Variants in UNC13C observed in about 807,000 individuals in gnomAD.
UNC13C encodes the protein protein unc-13 homolog C.
Under a neutral mutation model 245.4 loss-of-function variants are expected in UNC13C, and 174 were observed. The ratio of observed to expected loss-of-function variants is 0.71; its 90% confidence interval spans 0.63 to 0.80. The LOEUF is 0.80. Among genes scored for constraint, UNC13C ranks in the 30% least tolerant of loss-of-function variants. The probability of loss-of-function intolerance (pLI) is 0.00; values close to 1 mark genes in which losing one functional copy is unlikely to be tolerated. For synonymous variants in UNC13C, 992 were observed against 895.1 expected, an observed-to-expected ratio of 1.11 and a Z score of -1.93; for missense variants, 2,829 against 2,602.9, an observed-to-expected ratio of 1.09 and a Z score of -1.89.
intron 2 of UNC13C, among the ~76,000 whole-genome samples, chr15:54,022,648 G>A (rs1895950024): frequency 6.6e-6 from 1 of 152,110 alleles, no homozygotes; most frequent in Non-Finnish European, 1.5e-5. Flanking sequence ...TTGGACATTA[G>A]CCCCTTATCA....
rs555024171 is a variant in UNC13C at position 54,366,782 on chromosome 15, T to G, written c.4714-26266T>G. Among the ~76,000 whole-genome samples, 6 of 152,276 alleles carry G rather than the reference T, an allele frequency of 3.9e-5. No individual in the cohort carries two copies. In the East Asian group the frequency reaches 9.7e-4, roughly 25 times the overall value. On this transcript the variant is annotated intron_variant, in intron 17 of 32. Transcript: ENST00000260323. ...ATGGTGTTTTGTTAATGCAGCGTTT[T>G]TCTTCATTTTTCTGAAAAATGGCTA...
intron 19 of UNC13C, among the ~76,000 whole-genome samples, chr15:54,434,696 A>G (rs542851493): frequency 9.2e-5 from 14 of 152,268 alleles, no homozygotes; most frequent in South Asian, 8.3e-4. Context: ...TGACTAAAAC[A>G]CTGAAAACAA....
the UNC13C span, among the ~76,000 whole-genome samples, chr15:53,847,318 G>A: frequency 7.9e-5 from 12 of 151,692 alleles, no homozygotes; most frequent in Non-Finnish European, 1.8e-4. Flanking sequence ...AAAAGAGAAA[G>A]GTTATAGAGT....
intron 4 of UNC13C, among the ~76,000 whole-genome samples, chr15:54,172,812 C>T (rs1310933073): frequency 3.6e-5 from 5 of 140,626 alleles, no homozygotes; most frequent in Non-Finnish European, 6.1e-5. Flanking sequence ...TATCCCTACC[C>T]CATGGTTGTG....
At chr15:54,342,693 A>G (rs1021563164) in intron 17 of UNC13C, among the ~76,000 whole-genome samples, 4 of 152,322 alleles carry the variant, frequency 2.6e-5, no homozygotes, top group Admixed American at 2.0e-4. Flanking sequence ...CTAGAAAGCA[A>G]TGTTAGATGA....
chr15:54,556,179 A>G (rs2141198731), intron 29 of UNC13C, among the ~76,000 whole-genome samples: 1 of 152,172 alleles, frequency 6.6e-6, no homozygotes, highest in African/African-American at 2.4e-5. Context: ...AGTTTGAAAG[A>G]TGAGTTTGTC....
At chr15:53,889,475 A>T in the UNC13C span, among the ~76,000 whole-genome samples, 146 of 152,304 alleles carry the variant, frequency 9.6e-4, 1 homozygote, top group African/African-American at 3.4e-3. Context: ...GGTTTTCTAA[A>T]TATACAATCA....
At chr15:54,058,079 A>G (rs985044862) in intron 2 of UNC13C, among the ~76,000 whole-genome samples, 1 of 152,056 alleles carries the variant, frequency 6.6e-6, no homozygotes, top group African/African-American at 2.4e-5. Flanking sequence ...AACACATTCA[A>G]AAGCTAGCAG....
intron 4 of UNC13C, among the ~76,000 whole-genome samples, chr15:54,218,075 G>A (rs940739309): frequency 3.3e-5 from 5 of 151,924 alleles, no homozygotes; most frequent in African/African-American, 1.2e-4. Flanking sequence ...TTGTATTATA[G>A]TGGAGACATT....
At chr15:53,952,178 T>C in the UNC13C span, among the ~76,000 whole-genome samples, 145 of 152,148 alleles carry the variant, frequency 9.5e-4, no homozygotes, top group Middle Eastern at 0.01. Context: ...TTCTAAAGAG[T>C]AGGGATTCTG....
chr15:54,543,740 C>T (rs921862532), intron 26 of UNC13C, among the ~76,000 whole-genome samples: 5 of 151,878 alleles, frequency 3.3e-5, no homozygotes, highest in Non-Finnish European at 5.9e-5. Flanking sequence ...CCCAGACAAA[C>T]CCAGGAAGAA....
chr15:54,619,862 G>C (rs1028766279), intron 30 of UNC13C, among the ~76,000 whole-genome samples: 2 of 152,130 alleles, frequency 1.3e-5, no homozygotes, highest in African/African-American at 2.4e-5. Flanking sequence ...TGTAATACTA[G>C]CTATAGCATG....
At chr15:54,587,907 ATT>A (rs1273421887) in intron 30 of UNC13C, among the ~76,000 whole-genome samples, 1 of 152,244 alleles carries the variant, frequency 6.6e-6, no homozygotes, top group South Asian at 2.1e-4. Context: ...ATTGAGTCAT[ATT>A]TTTAAGAAAT....
chr15:54,574,047 C>T (rs1412888493), intron 30 of UNC13C, among the ~76,000 whole-genome samples: 1 of 152,108 alleles, frequency 6.6e-6, no homozygotes, highest in Non-Finnish European at 1.5e-5. Flanking sequence ...CCCAATATAG[C>T]AAGCATGTCC....
chr15:54,501,948 G>T (rs1198467873), intron 22 of UNC13C, among the ~76,000 whole-genome samples: 19 of 152,250 alleles, frequency 1.2e-4, no homozygotes, highest in Admixed American at 1.2e-3. Context: ...GAAGAACTTT[G>T]CTTCCCAGGT....
chr15:54,515,025 C>G (rs1407145200), intron 24 of UNC13C, among the ~76,000 whole-genome samples: 1 of 152,168 alleles, frequency 6.6e-6, no homozygotes, highest in African/African-American at 2.4e-5. Flanking sequence ...ACACACTTCT[C>G]TGCATACAAA....
chr15:54,433,431 A>G (rs1399389070), intron 19 of UNC13C, among the ~76,000 whole-genome samples: 1 of 152,118 alleles, frequency 6.6e-6, no homozygotes, highest in Non-Finnish European at 1.5e-5. Flanking sequence ...GGTTCAACAT[A>G]TGCAAATCAA....
chr15:54,557,569 G>A (rs1897140027), intron 29 of UNC13C, among the ~76,000 whole-genome samples: 2 of 151,592 alleles, frequency 1.3e-5, no homozygotes, highest in South Asian at 2.1e-4. Context: ...AAGATTCAAT[G>A]TCTCCCCGGA....
intron 2 of UNC13C, among the ~76,000 whole-genome samples, chr15:54,091,782 C>A (rs962546145): frequency 2.6e-5 from 4 of 151,304 alleles, no homozygotes; most frequent in African/African-American, 9.7e-5. Context: ...TAAGAGAAAT[C>A]ATTTTATTGA....
Sources: gnomAD v4.1 joint callset for allele counts (sites outside exome capture counted in the v4.1 genomes callset) on GRCh38, gnomAD v4.1.1 for gene constraint, MANE v1.5 for transcripts, NCBI Gene and HGNC (gene_info 2026-07-23, HGNC 2026-07-21) for gene names.